GRID1: variants seen among roughly 807,000 people sequenced by gnomAD.
The protein encoded by GRID1 is glutamate ionotropic receptor delta type subunit 1, also known as glutamate receptor ionotropic, delta-1.
In GRID1, 28 loss-of-function variants were observed where a neutral mutation model predicts 98.0. The ratio of observed to expected loss-of-function variants is 0.29; its 90% CI spans 0.21 to 0.39. GRID1 has a LOEUF of 0.39. Ranked by LOEUF, GRID1 falls within the 10% of genes least tolerant of loss-of-function variation. GRID1 has a pLI of 1.00. For synonymous variants in GRID1, 553 were observed against 538.5 expected (o/e 1.03, Z -0.37); for missense variants, 1,111 against 1,340.5 (o/e 0.83, Z 2.67).
chr10:86,363,932 G>T lies in GRID1; in HGVS notation c.235+9C>A. On this transcript the variant is annotated intron_variant, in intron 2 of 15. Transcript: ENST00000327946. Reference sequence around the variant, plus strand: ...GTCCCAGTGGGCCCTGGGCACAGCGGTCACTCACCTTCCTGCACAGCCTGG... The same window carrying T: ...GTCCCAGTGGGCCCTGGGCACAGCGTTCACTCACCTTCCTGCACAGCCTGG... 6.2e-7 allele frequency: 1 copy of T among 1,612,346 alleles called. No homozygotes were observed. The highest frequency in any genetic ancestry group is 8.5e-7 in the Non-Finnish European group (1 of 1,178,800).
chr10:85,998,663 T>C (rs1395366727), intron 4 of GRID1, among the ~76,000 whole-genome samples: 1 of 151,866 alleles, frequency 6.6e-6, no homozygotes, highest in African/African-American at 2.4e-5. Context: ...TCAAAGAAAT[T>C]AAAAACCTAA....
Position 86,364,230 on chromosome 10 carries a change from C to T in GRID1, c.80-134G>A, listed in dbSNP as rs1001653711. ...AGTCTGAACTGGGATTTCAGCTTGG[C>T]GGGGTAGATTAAGGCTCTCCGATCT... is the stretch of plus-strand genomic sequence containing the variant. On this transcript the variant is annotated intron_variant, in intron 1 of 15. Transcript: ENST00000327946. 4.3e-6 allele frequency: 3 copies of T among 695,038 alleles called. No homozygotes were observed. The Admixed American group carries it at 7.4e-5, about 17-fold the overall frequency. 43.1% of individuals were successfully genotyped at this position (695,038 alleles called of 1,614,324 possible). A position where few individuals can be genotyped will look rare whatever the true frequency, so the allele number is the denominator to read the frequency against.
At position 85,920,382 on chromosome 10, in the gene GRID1, T is replaced by G. The variant is rs138018356; in HGVS notation, c.727-4143A>C. Among the ~76,000 whole-genome samples, 831 of 152,318 alleles carry G rather than the reference T, an allele frequency of 5.5e-3. 6 individuals are homozygous for G. Among genetic ancestry groups the G allele is most frequent in the African/African-American group, 0.016 (678 of 41,570 alleles). On this transcript the variant is annotated intron_variant, in intron 4 of 15. Coordinates refer to ENST00000327946, the MANE Select transcript of GRID1 (RefSeq NM_017551.3). ...GCAAAGTTCCTCCCGTTCCTTCTAC[T>G]GGAGTCTCCAGCCTGCTCTTGATTC... is the stretch of plus-strand genomic sequence containing the variant.
chr10:85,707,676 C>T (rs1427480790), intron 12 of GRID1, among the ~76,000 whole-genome samples: 2 of 152,034 alleles, frequency 1.3e-5, no homozygotes, highest in Non-Finnish European at 2.9e-5. Flanking sequence ...AATTTTATTG[C>T]GGCACTATTC....
At chr10:85,853,777 C>T (rs1363356837) in intron 8 of GRID1, among the ~76,000 whole-genome samples, 1 of 152,180 alleles carries the variant, frequency 6.6e-6, no homozygotes, top group African/African-American at 2.4e-5. Flanking sequence ...TTTGTCCTAG[C>T]CCTGTTAGAC....
At chr10:85,812,730 T>TTCTCTCTC (rs3028889) in intron 8 of GRID1, among the ~76,000 whole-genome samples, 1 of 147,996 alleles carries the variant, frequency 6.8e-6, no homozygotes, top group Non-Finnish European at 1.5e-5. Context: ...CAAACAGAAG[T>TTCTCTCTC]TCTCTCTCTC....
At chr10:85,895,129 G>A (rs921843581) in intron 5 of GRID1, among the ~76,000 whole-genome samples, 10 of 149,432 alleles carry the variant, frequency 6.7e-5, no homozygotes, top group Admixed American at 4.0e-4. Context: ...TGCACTAACC[G>A]TTGGTCCTCC....
At chr10:86,335,368 A>G (rs1415423765) in intron 2 of GRID1, among the ~76,000 whole-genome samples, 1 of 152,232 alleles carries the variant, frequency 6.6e-6, no homozygotes, top group Non-Finnish European at 1.5e-5. Context: ...TCTGCCAAAT[A>G]AAGTTCCATG....
At chr10:85,806,309 A>C (rs1264222292) in intron 8 of GRID1, among the ~76,000 whole-genome samples, 1 of 152,184 alleles carries the variant, frequency 6.6e-6, no homozygotes, top group African/African-American at 2.4e-5. Context: ...AGTCATGCCA[A>C]GTGTTGGTAA....
At chr10:85,605,121 C>T (rs1479470009) in intron 15 of GRID1, among the ~76,000 whole-genome samples, 1 of 152,228 alleles carries the variant, frequency 6.6e-6, no homozygotes, top group African/African-American at 2.4e-5. Flanking sequence ...GGCCTCCAGA[C>T]AAGCCCTGAC....
At chr10:86,309,506 T>C (rs1175578412) in intron 2 of GRID1, among the ~76,000 whole-genome samples, 3 of 152,198 alleles carry the variant, frequency 2.0e-5, no homozygotes, top group Admixed American at 1.3e-4. Context: ...ACAGCTGTTG[T>C]GGCTCCCGCA....
At position 85,744,437 on chromosome 10, in the gene GRID1, C is replaced by A. The variant is rs11201764; in HGVS notation, c.1234-14823G>T. On this transcript the variant is annotated intron_variant, in intron 8 of 15. Transcript: ENST00000327946. ...CGCTGCATATCTACAACTATCTGATCTTTGACAAACCTGAGAAAAACAAGC... is the reference window on the plus strand; with the variant it reads ...CGCTGCATATCTACAACTATCTGATATTTGACAAACCTGAGAAAAACAAGC... 1.7e-4 allele frequency among the ~76,000 whole-genome samples: 26 copies of A among 151,314 alleles called. No individual in the cohort carries two copies. In the East Asian group the frequency reaches 2.0e-3, roughly 11 times the overall value.
At chr10:86,360,537 A>G (rs974937349) in intron 2 of GRID1, among the ~76,000 whole-genome samples, 1 of 152,254 alleles carries the variant, frequency 6.6e-6, no homozygotes, top group Non-Finnish European at 1.5e-5. Context: ...GCTAAAAATG[A>G]AAAGGTCAGT....
At chr10:86,282,184 G>C (rs1485668315) in intron 2 of GRID1, among the ~76,000 whole-genome samples, 1 of 152,160 alleles carries the variant, frequency 6.6e-6, no homozygotes, top group Admixed American at 6.5e-5. Context: ...TGAAGCCCCT[G>C]CAAATCCTAG....
At chr10:86,042,392 G>C (rs942553932) in intron 4 of GRID1, among the ~76,000 whole-genome samples, 4 of 152,190 alleles carry the variant, frequency 2.6e-5, no homozygotes, top group Non-Finnish European at 4.4e-5. Flanking sequence ...TGGGTGCACA[G>C]TGTGGGCCAC....
At chr10:85,714,502 T>A (rs183036208) in intron 12 of GRID1, among the ~76,000 whole-genome samples, 82 of 152,166 alleles carry the variant, frequency 5.4e-4, no homozygotes, top group African/African-American at 1.8e-3. Flanking sequence ...AGAAAATCCT[T>A]GACCTCACCA....
At chr10:86,135,698 G>T (rs1844914202) in intron 4 of GRID1, among the ~76,000 whole-genome samples, 1 of 152,000 alleles carries the variant, frequency 6.6e-6, no homozygotes, top group Non-Finnish European at 1.5e-5. Context: ...CACTGCCAAG[G>T]CCAGGCTCAC....
intron 8 of GRID1, among the ~76,000 whole-genome samples, chr10:85,794,408 G>A (rs749567182): frequency 2.0e-5 from 3 of 152,178 alleles, no homozygotes; most frequent in Admixed American, 6.5e-5. Flanking sequence ...TCAGGATCAT[G>A]TTCACAATAA....
At chr10:86,198,113 G>T (rs550567501) in intron 3 of GRID1, among the ~76,000 whole-genome samples, 4 of 152,044 alleles carry the variant, frequency 2.6e-5, no homozygotes, top group Non-Finnish European at 5.9e-5. Flanking sequence ...CATTTGCCCC[G>T]ATAATTCCCT....
Sources: allele counts gnomAD v4.1 joint callset (sites outside exome capture counted in the v4.1 genomes callset), GRCh38; gene constraint gnomAD v4.1.1; transcripts MANE v1.5; gene names NCBI Gene and HGNC (gene_info 2026-07-23, HGNC 2026-07-21).